Variants in OPCML observed in about 807,000 individuals in gnomAD.
The protein encoded by OPCML is opioid binding protein/cell adhesion molecule like, also known as opioid-binding protein/cell adhesion molecule.
Under a neutral mutation model 37.8 loss-of-function variants are expected in OPCML, and 13 were observed. The observed-to-expected ratio is 0.34, with a 90% CI of 0.22 to 0.55. OPCML has a LOEUF of 0.55. OPCML is among the 20% of genes least tolerant of loss of function. The pLI is 0.91. For missense variants in OPCML, 341 were observed against 435.6 expected (o/e 0.78, Z 1.93); for synonymous variants, 176 against 168.8 (o/e 1.04, Z -0.33).
intron 1 of OPCML, among the ~76,000 whole-genome samples, chr11:133,052,401 G>A (rs1451659576): frequency 6.6e-6 from 1 of 152,156 alleles, no homozygotes; most frequent in Non-Finnish European, 1.5e-5. Context: ...AACTATACTT[G>A]ATGAACAGGA....
chr11:132,618,244 T>C (rs1939160632), intron 3 of OPCML, among the ~76,000 whole-genome samples: 1 of 152,214 alleles, frequency 6.6e-6, no homozygotes, highest in Admixed American at 6.5e-5. Context: ...AGGGAGCTAT[T>C]TATTTTTGTT....
intron 2 of OPCML, among the ~76,000 whole-genome samples, chr11:132,941,213 T>A (rs1166823115): frequency 6.6e-6 from 1 of 152,110 alleles, no homozygotes; most frequent in Non-Finnish European, 1.5e-5. Flanking sequence ...TAATAAAAAA[T>A]TGGTAGATGG....
intron 3 of OPCML, among the ~76,000 whole-genome samples, chr11:132,564,346 G>T (rs533102906): frequency 6.6e-6 from 1 of 152,198 alleles, no homozygotes; most frequent in Non-Finnish European, 1.5e-5. Flanking sequence ...AGACCTAACC[G>T]CTTCCTTCCA....
At chr11:132,429,875 TC>T (rs1331925480) in intron 7 of OPCML, among the ~76,000 whole-genome samples, 5 of 151,992 alleles carry the variant, frequency 3.3e-5, no homozygotes, top group Non-Finnish European at 7.4e-5. Context: ...GAAGAGCCCT[TC>T]CCCTCTCACC....
chr11:133,014,874 G>A (rs566156237), intron 1 of OPCML, among the ~76,000 whole-genome samples: 5 of 152,246 alleles, frequency 3.3e-5, no homozygotes, highest in East Asian at 1.9e-4. Flanking sequence ...TATTGGTGCC[G>A]TATTTTCTAT....
intron 3 of OPCML, among the ~76,000 whole-genome samples, chr11:132,536,145 G>T (rs2096340320): frequency 6.6e-6 from 1 of 152,098 alleles, no homozygotes; most frequent in Non-Finnish European, 1.5e-5. Context: ...ACATCCCTCA[G>T]CATCCTGTCC....
chr11:132,883,212 T>C (rs1943281061), intron 2 of OPCML, among the ~76,000 whole-genome samples: 1 of 150,530 alleles, frequency 6.6e-6, no homozygotes, highest in Non-Finnish European at 1.5e-5. Flanking sequence ...AGCAGTAAAA[T>C]AGAGACCAAG....
chr11:133,478,609 G>A (rs897994019), intron 1 of OPCML, among the ~76,000 whole-genome samples: 10 of 152,114 alleles, frequency 6.6e-5, no homozygotes, highest in African/African-American at 1.7e-4. Flanking sequence ...CAGAAGTTAC[G>A]TAACACAAAT....
chr11:133,331,909 A>T (rs919675631), intron 1 of OPCML, among the ~76,000 whole-genome samples: 1 of 152,058 alleles, frequency 6.6e-6, no homozygotes, highest in Non-Finnish European at 1.5e-5. Context: ...TGCCTTGGCT[A>T]TTTGGGCTCT....
At chr11:133,316,039 A>G (rs997883670) in intron 1 of OPCML, among the ~76,000 whole-genome samples, 1 of 152,180 alleles carries the variant, frequency 6.6e-6, no homozygotes, top group Non-Finnish European at 1.5e-5. Flanking sequence ...ATCTCCAGAT[A>G]GTAAGAAATG....
intron 1 of OPCML, among the ~76,000 whole-genome samples, chr11:133,172,292 A>G (rs539963007): frequency 6.6e-6 from 1 of 152,318 alleles, no homozygotes; most frequent in Admixed American, 6.5e-5. Context: ...TGCATTTGCC[A>G]TACAATATGC....
At chr11:132,895,528 G>A (rs567416068) in intron 2 of OPCML, among the ~76,000 whole-genome samples, 7 of 152,312 alleles carry the variant, frequency 4.6e-5, no homozygotes, top group East Asian at 1.9e-4. Flanking sequence ...TCTCAGCTCC[G>A]CAGGCGTCTG....
At chr11:132,716,127 G>C (rs1944465996) in intron 2 of OPCML, among the ~76,000 whole-genome samples, 3 of 152,204 alleles carry the variant, frequency 2.0e-5, no homozygotes, top group Admixed American at 2.0e-4. Context: ...AAGAGCTGCT[G>C]CTGAAGCTGC....
At chr11:132,767,675 C>A (rs1946498784) in intron 2 of OPCML, among the ~76,000 whole-genome samples, 1 of 152,294 alleles carries the variant, frequency 6.6e-6, no homozygotes, top group East Asian at 1.9e-4. Context: ...CTGTGCTTAC[C>A]AGGTGTACTT....
intron 1 of OPCML, among the ~76,000 whole-genome samples, chr11:132,993,099 C>T (rs1946811124): frequency 6.6e-6 from 1 of 152,192 alleles, no homozygotes; most frequent in South Asian, 2.1e-4. Flanking sequence ...CCTCCTTCCA[C>T]TGGTTTGCCT....
intron 1 of OPCML, among the ~76,000 whole-genome samples, chr11:133,097,397 TTAGA>T (rs1470712054): frequency 6.6e-6 from 1 of 152,176 alleles, no homozygotes; most frequent in African/African-American, 2.4e-5. Context: ...TAAAGCATGC[TTAGA>T]TGGAGATTTC....
intron 2 of OPCML, among the ~76,000 whole-genome samples, chr11:132,841,415 T>C (rs911441048): frequency 6.6e-6 from 1 of 152,168 alleles, no homozygotes; most frequent in Non-Finnish European, 1.5e-5. Flanking sequence ...TCTAGCCCAC[T>C]GTAGAGGGCC....
chr11:132,870,918 A>C (rs1942771095), intron 2 of OPCML, among the ~76,000 whole-genome samples: 1 of 152,196 alleles, frequency 6.6e-6, no homozygotes, highest in Non-Finnish European at 1.5e-5. Flanking sequence ...TGGCTTATGA[A>C]CATGTTGTTC....
chr11:132,909,658 C>T (rs1944358398), intron 2 of OPCML, among the ~76,000 whole-genome samples: 1 of 152,220 alleles, frequency 6.6e-6, no homozygotes, highest in Non-Finnish European at 1.5e-5. Context: ...CTTCCAACTA[C>T]CAGCCTGTCA....
Sources: allele counts gnomAD v4.1 joint callset (sites outside exome capture counted in the v4.1 genomes callset), GRCh38; gene constraint gnomAD v4.1.1; transcripts MANE v1.5; gene names NCBI Gene and HGNC (gene_info 2026-07-23, HGNC 2026-07-21).